Variants in SLC24A2 observed in about 807,000 individuals in gnomAD.
SLC24A2 encodes the protein sodium/potassium/calcium exchanger 2.
SLC24A2 carries 36 observed loss-of-function variants against 62.0 expected under a neutral mutation model. The ratio of observed to expected loss-of-function variants is 0.58; its 90% CI spans 0.44 to 0.77. SLC24A2 has a LOEUF of 0.77. Among genes scored for constraint, SLC24A2 ranks in the 30% least tolerant of loss-of-function variants. The pLI is 0.00. For synonymous variants in SLC24A2, 358 were observed against 294.0 expected (o/e 1.22, Z -2.23); for missense variants, 846 against 817.9 (o/e 1.03, Z -0.42).
the SLC24A2 span, among the ~76,000 whole-genome samples, chr9:20,107,858 C>A: frequency 1.1e-4 from 17 of 151,806 alleles, no homozygotes; most frequent in African/African-American, 2.2e-4. Flanking sequence ...ATCTAATTAA[C>A]CTAAAGAGCT....
chr9:19,711,657 A>G (rs1407634583), intron 2 of SLC24A2, among the ~76,000 whole-genome samples: 1 of 152,248 alleles, frequency 6.6e-6, no homozygotes, highest in Non-Finnish European at 1.5e-5. Flanking sequence ...AGCACATACC[A>G]TACAATGTAC....
intron 5 of SLC24A2, among the ~76,000 whole-genome samples, chr9:19,581,631 C>A (rs762966585): frequency 3.3e-5 from 5 of 152,178 alleles, no homozygotes; most frequent in Non-Finnish European, 5.9e-5. Flanking sequence ...ACAGGAAATT[C>A]TTCTCCTAAA....
chr9:20,205,643 T>G, the SLC24A2 span, among the ~76,000 whole-genome samples: 1 of 92,572 alleles, frequency 1.1e-5, no homozygotes, highest in East Asian at 3.7e-4. Context: ...AGAGTGAGAC[T>G]CCATCTAAAA....
At chr9:19,705,149 T>A (rs146092061) in intron 2 of SLC24A2, among the ~76,000 whole-genome samples, 3 of 152,242 alleles carry the variant, frequency 2.0e-5, no homozygotes, top group Non-Finnish European at 4.4e-5. Context: ...ATTTCTTTGC[T>A]GCTGGGATAT....
At chr9:19,546,062 G>T (rs4977554) in intron 8 of SLC24A2, among the ~76,000 whole-genome samples, 1 of 152,150 alleles carries the variant, frequency 6.6e-6, no homozygotes, top group Non-Finnish European at 1.5e-5. Flanking sequence ...GCTGCGTGTT[G>T]TTTCCTCTGG....
chr9:20,300,957 A>G, the SLC24A2 span, among the ~76,000 whole-genome samples: 2 of 152,130 alleles, frequency 1.3e-5, no homozygotes. Context: ...TCCAAGTACA[A>G]CATACACACA....
chr9:20,284,253 T>G, the SLC24A2 span, among the ~76,000 whole-genome samples: 1 of 151,248 alleles, frequency 6.6e-6, no homozygotes, highest in African/African-American at 2.4e-5. Flanking sequence ...CTTTTGTTTG[T>G]CTATATAATT....
chr9:19,651,239 C>T (rs1219225130), intron 2 of SLC24A2, among the ~76,000 whole-genome samples: 1 of 152,170 alleles, frequency 6.6e-6, no homozygotes, highest in Non-Finnish European at 1.5e-5. Flanking sequence ...GATGCGAATA[C>T]TTATAATAGT....
At chr9:20,185,431 C>T in the SLC24A2 span, among the ~76,000 whole-genome samples, 2 of 151,728 alleles carry the variant, frequency 1.3e-5, no homozygotes, top group African/African-American at 2.4e-5. Flanking sequence ...TTTGGGAGGC[C>T]GAGGTGGGCG....
the SLC24A2 span, among the ~76,000 whole-genome samples, chr9:19,900,760 G>C: frequency 5.3e-5 from 8 of 152,188 alleles, no homozygotes; most frequent in African/African-American, 1.9e-4. Context: ...TTTAGGGCTT[G>C]TCTGGTGATA....
the SLC24A2 span, among the ~76,000 whole-genome samples, chr9:20,027,729 C>A: frequency 6.6e-6 from 1 of 152,050 alleles, no homozygotes; most frequent in Non-Finnish European, 1.5e-5. Context: ...ATTTTAAGAT[C>A]TATTTCATAG....
At position 19,625,470 on chromosome 9, in the gene SLC24A2, C is replaced by T. The variant is rs186197502; in HGVS notation, c.931-3171G>A. 8.5e-5 allele frequency among the ~76,000 whole-genome samples: 13 copies of T among 152,216 alleles called. No homozygotes were observed. The East Asian group carries it at 1.2e-3, about 14-fold the overall frequency. On this transcript the variant is annotated intron_variant, in intron 2 of 10. Coordinates refer to ENST00000341998, the MANE Select transcript of SLC24A2 (RefSeq NM_020344.4). ...TCAGATCAGGGCTTTGGTGTGCCAA[C>T]GCAGACTCCCCTCACCATTTATAAC...
the SLC24A2 span, among the ~76,000 whole-genome samples, chr9:20,296,179 T>C: frequency 6.6e-6 from 1 of 152,234 alleles, no homozygotes; most frequent in Admixed American, 6.5e-5. Context: ...ATGGACGGCA[T>C]ATACTTACGA....
At chr9:19,667,931 C>T (rs902834438) in intron 2 of SLC24A2, among the ~76,000 whole-genome samples, 1 of 152,182 alleles carries the variant, frequency 6.6e-6, no homozygotes, top group Non-Finnish European at 1.5e-5. Context: ...TGGGACTTTT[C>T]CTTCTCATCC....
At chr9:20,143,407 G>T in the SLC24A2 span, among the ~76,000 whole-genome samples, 3 of 152,118 alleles carry the variant, frequency 2.0e-5, no homozygotes, top group Admixed American at 6.5e-5. Context: ...AAAGCTATTT[G>T]CCCTAGGGAA....
At chr9:19,757,847 C>G (rs1378074410) in intron 2 of SLC24A2, among the ~76,000 whole-genome samples, 1 of 152,060 alleles carries the variant, frequency 6.6e-6, no homozygotes, top group African/African-American at 2.4e-5. Context: ...AGTTCTCCCT[C>G]TGGCAAGACT....
At chr9:19,895,781 C>A in the SLC24A2 span, 28 of 1,576,152 alleles carry the variant, frequency 1.8e-5, no homozygotes, top group Non-Finnish European at 2.4e-5. Context: ...TCTCCTCATG[C>A]GGTGGCCTGT....
the SLC24A2 span, among the ~76,000 whole-genome samples, chr9:19,872,360 G>A: frequency 2.6e-5 from 4 of 152,148 alleles, no homozygotes; most frequent in Admixed American, 1.3e-4. Flanking sequence ...AAATCATTCC[G>A]AAGGATAAAG....
the SLC24A2 span, among the ~76,000 whole-genome samples, chr9:20,105,811 T>C: frequency 6.6e-6 from 1 of 151,918 alleles, no homozygotes; most frequent in African/African-American, 2.4e-5. Flanking sequence ...AGCAAACACA[T>C]TCAAAAGCTA....
Sources: gnomAD v4.1 joint callset for allele counts (sites outside exome capture counted in the v4.1 genomes callset) on GRCh38, gnomAD v4.1.1 for gene constraint, MANE v1.5 for transcripts, NCBI Gene and HGNC (gene_info 2026-07-23, HGNC 2026-07-21) for gene names.